Variants in TOP1 observed in about 807,000 individuals in gnomAD.
The protein encoded by TOP1 is DNA topoisomerase 1.
A neutral mutation model predicts 111.1 loss-of-function variants in TOP1; 10 were observed. The ratio of observed to expected loss-of-function variants is 0.09; its 90% CI spans 0.06 to 0.15. TOP1 has a LOEUF of 0.15. Ranked by LOEUF, TOP1 falls within the 10% of genes least tolerant of loss-of-function variation. The probability of loss-of-function intolerance (pLI) is 1.00; values close to 1 mark genes in which losing one functional copy is unlikely to be tolerated. For missense variants in TOP1, 474 were observed against 926.7 expected, an observed-to-expected ratio of 0.51 and a Z score of 6.34; for synonymous variants, 271 against 302.9, an observed-to-expected ratio of 0.89 and a Z score of 1.10.
rs1475860118 is a variant in TOP1 at position 41,076,325 on chromosome 20, A to G, written c.279+31A>G. ...GAGTTTTCTAGTAGGGGAGGAAGGA[A>G]CGTGGATGCACTTTTGTTTACCTTT... On this transcript the variant is annotated intron_variant, in intron 4 of 20. Coordinates refer to ENST00000361337, the MANE Select transcript of TOP1 (RefSeq NM_003286.4). 15 of 1,578,924 alleles carry G rather than the reference A, an allele frequency of 9.5e-6. No individual in the cohort carries two copies. In the Admixed American group the frequency reaches 2.6e-4, roughly 28 times the overall value.
At chr20:41,049,421 A>G (rs978451029) in intron 2 of TOP1, among the ~76,000 whole-genome samples, 1 of 152,248 alleles carries the variant, frequency 6.6e-6, no homozygotes, top group Non-Finnish European at 1.5e-5. Flanking sequence ...ATTGAAAAGA[A>G]AGACCACACT....
chr20:41,028,833 T>C lies in TOP1; in HGVS notation c.-235T>C. ...AGGCGCAGTGAGCCCAAATGCGAAC[T>C]TAGGCTGTTACACAACTGCTGGGGT... is the stretch of plus-strand genomic sequence containing the variant. On this transcript the variant is annotated 5_prime_UTR_variant, in exon 1 of 21. Transcript: ENST00000361337. 1.9e-6 allele frequency: 1 copy of C among 523,866 alleles called. No individual in the cohort carries two copies. The highest frequency in any genetic ancestry group is 3.4e-6 in the Non-Finnish European group (1 of 297,532). 32.5% of individuals were successfully genotyped at this position (523,866 alleles called of 1,614,324 possible). A position where few individuals can be genotyped will look rare whatever the true frequency, so the allele number is the denominator to read the frequency against.
chr20:41,114,254 C>A lies in TOP1; in HGVS notation c.1638+99C>A. The A allele has an allele frequency of 9.3e-7, 1 of 1,072,576 alleles. No homozygotes were observed. Among genetic ancestry groups the A allele is most frequent in the Non-Finnish European group, 1.4e-6 (1 of 727,068 alleles). 66.4% of individuals were successfully genotyped at this position (1,072,576 alleles called of 1,614,324 possible). A position where few individuals can be genotyped will look rare whatever the true frequency, so the allele number is the denominator to read the frequency against. On this transcript the variant is annotated intron_variant, in intron 15 of 20. Coordinates refer to ENST00000361337, the MANE Select transcript of TOP1 (RefSeq NM_003286.4). This position sits in a 1 kb window ranked among gnomAD's most constrained non-coding sequence, Gnocchi z 4.5. ...TGCTTTGCACTTTGCTGGGCACCAG[C>A]AAAAGTGACTTGAGACAGGCAACAT... is the stretch of plus-strand genomic sequence containing the variant.
chr20:41,092,659 G>A lies in TOP1; in HGVS notation c.730+72G>A. 2.7e-6 allele frequency: 2 copies of A among 742,718 alleles called. No homozygotes were observed. The highest frequency in any genetic ancestry group is 2.5e-4 in the Middle Eastern group (1 of 3,930). The allele number at this position is 742,718 out of a possible 1,614,324, so 46.0% of individuals were successfully genotyped here. On this transcript the variant is annotated intron_variant, in intron 9 of 20. Coordinates refer to ENST00000361337, the MANE Select transcript of TOP1 (RefSeq NM_003286.4). This position sits in a 1 kb window ranked among gnomAD's most constrained non-coding sequence, Gnocchi z 4.3. Reference sequence around the variant, plus strand: ...GCTTCTATTTAGGGATAGAAAACAAGGAAGGATCCTATGTAATAGATAATC... The same window carrying A: ...GCTTCTATTTAGGGATAGAAAACAAAGAAGGATCCTATGTAATAGATAATC...
At chr20:41,037,097 TG>T (rs575680439) in intron 2 of TOP1, among the ~76,000 whole-genome samples, 84 of 152,286 alleles carry the variant, frequency 5.5e-4, no homozygotes, top group African/African-American at 2.0e-3. Context: ...CCCAAAGTGC[TG>T]GGATTACATG....
intron 2 of TOP1, among the ~76,000 whole-genome samples, chr20:41,041,186 T>G (rs1291381677): frequency 6.6e-6 from 1 of 152,044 alleles, no homozygotes; most frequent in African/African-American, 2.4e-5. Context: ...TTTTCCTTAT[T>G]AAGAAGTGGC....
chr20:41,106,698 C>T lies in TOP1; in HGVS notation c.1308+5345C>T, dbSNP rs2145958180. Among the ~76,000 whole-genome samples the T allele has an allele frequency of 6.6e-6, 1 of 151,820 alleles. No individual in the cohort carries two copies. The highest frequency in any genetic ancestry group is 2.4e-5 in the African/African-American group (1 of 41,390). ...TCCATTATGTTTCTGTTGGTTATTC[C>T]TGAAGTGGTAATGCTTATAATTTTG... is the stretch of plus-strand genomic sequence containing the variant. On this transcript the variant is annotated intron_variant, in intron 13 of 20. Transcript: ENST00000361337. This position sits in a 1 kb window ranked among gnomAD's most constrained non-coding sequence, Gnocchi z 4.3.
At chr20:41,052,106 T>A (rs929165643) in intron 2 of TOP1, among the ~76,000 whole-genome samples, 1 of 152,194 alleles carries the variant, frequency 6.6e-6, no homozygotes, top group Non-Finnish European at 1.5e-5. Context: ...GGACAGAGAT[T>A]TGAAGCTCTT....
At chr20:41,120,379 T>G (rs974791084) in intron 18 of TOP1, among the ~76,000 whole-genome samples, 2 of 152,218 alleles carry the variant, frequency 1.3e-5, no homozygotes, top group East Asian at 3.8e-4. Flanking sequence ...CAACAAACAA[T>G]TCCAGGTTCA....
chr20:41,052,423 A>G (rs2033416997), intron 2 of TOP1, among the ~76,000 whole-genome samples: 1 of 152,132 alleles, frequency 6.6e-6, no homozygotes, highest in African/African-American at 2.4e-5. Flanking sequence ...TGTTTTCCCT[A>G]TGGAGAATGA....
Position 41,032,088 on chromosome 20 carries a change from A to T in TOP1, c.58+2633A>T, listed in dbSNP as rs2033127245. On this transcript the variant is annotated intron_variant, in intron 2 of 20. Coordinates refer to ENST00000361337, the MANE Select transcript of TOP1 (RefSeq NM_003286.4). The surrounding 1 kb of genome is among the most constrained non-coding windows in gnomAD (Gnocchi z 4.3). ...GAAATCAATGTTTAATTATGCCCAG[A>T]CATGTCATTATTGAACTTTGTATTA... 6.6e-6 allele frequency among the ~76,000 whole-genome samples: 1 copy of T among 152,188 alleles called. No individual in the cohort carries two copies.
chr20:41,088,980 G>T (rs1254194098), intron 8 of TOP1, among the ~76,000 whole-genome samples: 1 of 137,360 alleles, frequency 7.3e-6, no homozygotes, highest in Admixed American at 7.4e-5. Context: ...CTGAAACTCT[G>T]TAGTTATTAA....
In TOP1 at chr20:41,116,539, A is replaced by G; in HGVS notation, c.1822+147A>G. Reference sequence around the variant, plus strand: ...CCCTTTAGACCTCTAGTAGCGAGATAATGCTTTGTTGTATAAACATAGGAT... The same window carrying G: ...CCCTTTAGACCTCTAGTAGCGAGATGATGCTTTGTTGTATAAACATAGGAT... On this transcript the variant is annotated intron_variant, in intron 17 of 20. Transcript: ENST00000361337. This position sits in a 1 kb window ranked among gnomAD's most constrained non-coding sequence, Gnocchi z 5.6. 1 of 602,116 alleles carries G rather than the reference A, an allele frequency of 1.7e-6. No homozygotes were observed. The allele number at this position is 602,116 out of a possible 1,614,324, so 37.3% of individuals were successfully genotyped here.
At position 41,080,132 on chromosome 20, in the gene TOP1, C is replaced by T. The variant is rs1242408105; in HGVS notation, c.383C>T (p.Pro128Leu). 6.2e-7 allele frequency: 1 copy of T among 1,611,230 alleles called. No individual in the cohort carries two copies. Among genetic ancestry groups the T allele is most frequent in the African/African-American group, 1.3e-5 (1 of 74,760 alleles). ...DEPEDDGYFV[P>L]PKEDIKPLKR... Reference sequence around the variant, plus strand: ...CCTGAAGATGATGGCTATTTTGTTCCTCCTAAAGAGGATATAAAGCCATTA... The same window carrying T: ...CCTGAAGATGATGGCTATTTTGTTCTTCCTAAAGAGGATATAAAGCCATTA... Residue 128 changes from proline to leucine, a missense_variant, in exon 6 of 21, where the codon CCT (proline) becomes CTT (leucine). Pro to Leu is a moderately conservative substitution (Grantham distance 98, BLOSUM62 -3). Transcript: ENST00000361337. The surrounding 1 kb of genome is among the most constrained non-coding windows in gnomAD (Gnocchi z 5.0).
intron 7 of TOP1, 33 bp from the exon 8 acceptor site, chr20:41,084,429 A>G (rs1179834252): frequency 2.2e-6 from 3 of 1,389,374 alleles, no homozygotes; most frequent in Non-Finnish European, 2.9e-6. Flanking sequence ...ATCAGTCTTT[A>G]TTTAAGTGCT....
rs1423970545 is a variant in TOP1 at position 41,112,233 on chromosome 20, A to G, written c.1309-549A>G. 6.6e-6 allele frequency among the ~76,000 whole-genome samples: 1 copy of G among 152,218 alleles called. No individual in the cohort carries two copies. Among genetic ancestry groups the G allele is most frequent in the Non-Finnish European group, 1.5e-5 (1 of 68,040 alleles). On this transcript the variant is annotated intron_variant, in intron 13 of 20. Transcript: ENST00000361337. This position sits in a 1 kb window ranked among gnomAD's most constrained non-coding sequence, Gnocchi z 5.8. ...ACCACACTGTAATTTAATGGAATTC[A>G]CTTAGATTTAATGGAATTCAGTCCT... is the stretch of plus-strand genomic sequence containing the variant.
In TOP1 at chr20:41,069,804, AT is replaced by A. The variant is rs1228319913; in HGVS notation, c.156-6365del. ...ATCCCTATCATAGTACGCCATAATC[AT>A]TGTTTTTAAGATTTCATGGTGGAGA... On this transcript the variant is annotated intron_variant, in intron 3 of 20. Transcript: ENST00000361337. This position sits in a 1 kb window ranked among gnomAD's most constrained non-coding sequence, Gnocchi z 4.1. Among the ~76,000 whole-genome samples the A allele has an allele frequency of 5.9e-5, 9 of 152,192 alleles. No individual in the cohort carries two copies. Among genetic ancestry groups the A allele is most frequent in the Non-Finnish European group, 1.2e-4 (8 of 68,028 alleles).
At chr20:41,033,254 C>G (rs1032119395) in intron 2 of TOP1, among the ~76,000 whole-genome samples, 9 of 151,214 alleles carry the variant, frequency 6.0e-5, no homozygotes, top group Non-Finnish European at 1.2e-4. Context: ...GTAACGGTCA[C>G]CAACTCCTGC....
At position 41,114,178 on chromosome 20, in the gene TOP1, T is replaced by C. The variant is rs771422509; in HGVS notation, c.1638+23T>C. 6.3e-7 allele frequency: 1 copy of C among 1,586,956 alleles called. No homozygotes were observed. Among genetic ancestry groups the C allele is most frequent in the South Asian group, 1.1e-5 (1 of 88,380 alleles). ...CGAGTAAGTTAATGTACCTGTACTG[T>C]CTGACTTGTTTTCCATTATTCAACA... On this transcript the variant is annotated intron_variant, in intron 15 of 20. Transcript: ENST00000361337. This position sits in a 1 kb window ranked among gnomAD's most constrained non-coding sequence, Gnocchi z 4.5.
Sources: gnomAD v4.1 joint callset for allele counts (sites outside exome capture counted in the v4.1 genomes callset) on GRCh38, gnomAD v4.1.1 for gene constraint, Gnocchi (gnomAD v3.1) non-coding constraint, MANE v1.5 for transcripts, NCBI Gene and HGNC (gene_info 2026-07-23, HGNC 2026-07-21) for gene names.